The following MBOAT2 variants were observed in gnomAD, a reference collection of about 807,000 sequenced individuals.
MBOAT2 encodes the protein membrane bound glycerophospholipid O-acyltransferase 2, also known as membrane-bound glycerophospholipid O-acyltransferase 2.
In MBOAT2, 28 loss-of-function variants were observed where a neutral mutation model predicts 63.4. That is an observed-to-expected ratio of 0.44 (90% CI 0.33 to 0.61). The LOEUF (loss-of-function observed/expected upper bound fraction) is 0.61. Ranked by LOEUF, MBOAT2 falls within the 20% of genes least tolerant of loss-of-function variation. MBOAT2 has a pLI of 0.03. For missense variants in MBOAT2, 470 were observed against 605.8 expected (o/e 0.78, Z 2.35); for synonymous variants, 211 against 215.6 (o/e 0.98, Z 0.19).
chr2:8,938,267 C>T (rs1667802048), intron 3 of MBOAT2, among the ~76,000 whole-genome samples: 1 of 152,120 alleles, frequency 6.6e-6, no homozygotes. Flanking sequence ...AGGATTGTTA[C>T]ACAAACAATA....
At chr2:8,903,561 A>G (rs1665121893) in intron 4 of MBOAT2, among the ~76,000 whole-genome samples, 1 of 152,160 alleles carries the variant, frequency 6.6e-6, no homozygotes, top group Admixed American at 6.5e-5. Flanking sequence ...TTTTGCCAAA[A>G]AATCTGTTCT....
chr2:8,984,555 T>C (rs553053904), intron 1 of MBOAT2, among the ~76,000 whole-genome samples: 1 of 152,210 alleles, frequency 6.6e-6, no homozygotes, highest in Non-Finnish European at 1.5e-5. Flanking sequence ...GTGGCTTTCA[T>C]CATCCTCTAA....
intron 1 of MBOAT2, among the ~76,000 whole-genome samples, chr2:8,986,430 G>T (rs919828196): frequency 6.6e-6 from 1 of 151,998 alleles, no homozygotes; most frequent in South Asian, 2.1e-4. Context: ...GTGCCTGGTG[G>T]CGCATGCCTG....
intron 5 of MBOAT2, among the ~76,000 whole-genome samples, chr2:8,886,165 G>C (rs1663534897): frequency 6.6e-6 from 1 of 152,218 alleles, no homozygotes; most frequent in African/African-American, 2.4e-5. Context: ...AGCGTCTAAA[G>C]AGCTTCCCTG....
rs372306374 is a variant in MBOAT2 at position 8,890,291 on chromosome 2, A to C, written c.396-2218T>G. ...AAGTAGCTTCCCCTGTGCCCACAAA[A>C]ACACACACACACACGCGCGCACGCA... On this transcript the variant is annotated intron_variant, in intron 4 of 12. Transcript: ENST00000305997. Among the ~76,000 whole-genome samples, 128 of 152,006 alleles carry C rather than the reference A, an allele frequency of 8.4e-4. 1 individual carries two copies. The highest frequency in any genetic ancestry group is 2.7e-3 in the African/African-American group (113 of 41,462).
rs773061447 is a variant in MBOAT2 at position 8,958,587 on chromosome 2, G to A, written c.131C>T (p.Thr44Ile). The A allele has an allele frequency of 1.2e-6, 2 of 1,611,926 alleles. No homozygotes were observed. The highest frequency in any genetic ancestry group is 1.7e-5 in the Admixed American group (1 of 59,404). ...FALLAAIWFR[T>I]YLHSSKTSSF... is the part of the protein sequence containing the mutation. ...GCTAGTTTTGCTTGAATGTAGATAA[G>A]TTCGAAACCAAATGGCTGCTAGCAA... Residue 44 changes from threonine (T) to isoleucine (I), a missense_variant, in exon 2 of 13, where the codon ACT becomes ATT. By Grantham distance (89) the Thr-to-Ile change is moderately conservative. Coordinates refer to ENST00000305997, the MANE Select transcript of MBOAT2 (RefSeq NM_138799.4).
chr2:8,970,143 A>G (rs1197740052), intron 1 of MBOAT2, among the ~76,000 whole-genome samples: 1 of 152,228 alleles, frequency 6.6e-6, no homozygotes, highest in Non-Finnish European at 1.5e-5. Flanking sequence ...CAGCAAATGT[A>G]AAAGAACAGA....
Position 8,958,390 on chromosome 2 carries a change from T to C in MBOAT2, c.221+107A>G, listed in dbSNP as rs908002062. 3 of 1,154,228 alleles carry C rather than the reference T, an allele frequency of 2.6e-6. No individual in the cohort carries two copies. The African/African-American group carries it at 4.7e-5, about 18-fold the overall frequency. 71.5% of individuals were successfully genotyped at this position (1,154,228 alleles called of 1,614,324 possible). A position where few individuals can be genotyped will look rare whatever the true frequency, so the allele number is the denominator to read the frequency against. ...AAGTTGGCCTGGAGAAAAAACTTTTTAAGTAAATATAAGAACAAAACCCTA... is the reference window on the plus strand; with the variant it reads ...AAGTTGGCCTGGAGAAAAAACTTTTCAAGTAAATATAAGAACAAAACCCTA... On this transcript the variant is annotated intron_variant, in intron 2 of 12. Coordinates refer to ENST00000305997, the MANE Select transcript of MBOAT2 (RefSeq NM_138799.4).
chr2:8,889,364 T>G (rs766796572), intron 4 of MBOAT2, among the ~76,000 whole-genome samples: 2 of 152,230 alleles, frequency 1.3e-5, no homozygotes, highest in African/African-American at 2.4e-5. Flanking sequence ...TACAGCTCAT[T>G]CTCCTCAACT....
At chr2:8,871,153 C>T (rs1422909346) in intron 8 of MBOAT2, among the ~76,000 whole-genome samples, 1 of 151,984 alleles carries the variant, frequency 6.6e-6, no homozygotes, top group Non-Finnish European at 1.5e-5. Flanking sequence ...CAACACCACA[C>T]CTGGCTAATT....
chr2:8,902,285 T>C (rs1665001831), intron 4 of MBOAT2, among the ~76,000 whole-genome samples: 1 of 152,140 alleles, frequency 6.6e-6, no homozygotes, highest in Non-Finnish European at 1.5e-5. Context: ...AAATAGCAAA[T>C]GAAAGGGGTC....
rs1660982947 is a variant in MBOAT2 at position 8,854,880 on chromosome 2, T to C, written c.*3799A>G. 6.6e-6 allele frequency: 1 copy of C among 152,226 alleles called. No homozygotes were observed. Among genetic ancestry groups the C allele is most frequent in the Non-Finnish European group, 1.5e-5 (1 of 68,042 alleles). 9.4% of individuals were successfully genotyped at this position (152,226 alleles called of 1,614,324 possible). ...TGCTTTAAATATCCTTGAATAACTT[T>C]GAGATGTTATATAGTGGTAAACCCT... is the stretch of plus-strand genomic sequence containing the variant. On this transcript the variant is annotated 3_prime_UTR_variant, in exon 13 of 13. Transcript: ENST00000305997.
chr2:8,924,430 T>C (rs1666798625), intron 3 of MBOAT2, among the ~76,000 whole-genome samples: 1 of 152,198 alleles, frequency 6.6e-6, no homozygotes, highest in Admixed American at 6.5e-5. Flanking sequence ...GTGGGCTTGC[T>C]TGGTGATCTG....
chr2:8,919,188 G>A (rs1666397529), intron 3 of MBOAT2, among the ~76,000 whole-genome samples: 1 of 152,276 alleles, frequency 6.6e-6, no homozygotes, highest in African/African-American at 2.4e-5. Flanking sequence ...GAAGCTTTTA[G>A]CTATTATGAA....
chr2:8,994,618 AGCTGTGT>A (rs757310000), intron 1 of MBOAT2, among the ~76,000 whole-genome samples: 22 of 152,346 alleles, frequency 1.4e-4, no homozygotes, highest in Non-Finnish European at 2.5e-4. Flanking sequence ...GATGCGAGAC[AGCTGTGT>A]GAAGAGGTCC....
chr2:9,002,582 G>A (rs1672774811), intron 1 of MBOAT2, among the ~76,000 whole-genome samples: 1 of 152,074 alleles, frequency 6.6e-6, no homozygotes. Context: ...TTTAGCCTGG[G>A]GCTAGAGCAA....
intron 3 of MBOAT2, among the ~76,000 whole-genome samples, chr2:8,929,934 A>G (rs969751301): frequency 2.0e-5 from 3 of 152,164 alleles, no homozygotes; most frequent in Admixed American, 6.5e-5. Flanking sequence ...TTCTTCCCCA[A>G]GAAAGCTATA....
intron 12 of MBOAT2, among the ~76,000 whole-genome samples, chr2:8,859,397 C>T (rs1203828064): frequency 2.0e-5 from 3 of 152,086 alleles, no homozygotes; most frequent in Non-Finnish European, 4.4e-5. Context: ...TTTCATGAAG[C>T]AAAGAAAGGC....
At chr2:8,932,874 A>G (rs937869533) in intron 3 of MBOAT2, among the ~76,000 whole-genome samples, 33 of 152,234 alleles carry the variant, frequency 2.2e-4, no homozygotes, top group Non-Finnish European at 4.7e-4. Flanking sequence ...CAGTGACTAC[A>G]GAACGTGCAC....
Sources: gnomAD v4.1 joint callset for allele counts (sites outside exome capture counted in the v4.1 genomes callset) on GRCh38, gnomAD v4.1.1 for gene constraint, MANE v1.5 for transcripts, NCBI Gene and HGNC (gene_info 2026-07-23, HGNC 2026-07-21) for gene names.